Variants in GABRB1 observed in about 807,000 individuals in gnomAD.
GABRB1 encodes the protein gamma-aminobutyric acid type A receptor subunit beta1.
A neutral mutation model predicts 51.6 loss-of-function variants in GABRB1; 17 were observed. That is an observed-to-expected ratio of 0.33 (90% CI 0.23 to 0.49). GABRB1 has a LOEUF of 0.49. GABRB1 is among the 20% of genes least tolerant of loss of function. The pLI, the probability that GABRB1 is intolerant of heterozygous loss-of-function variation, is 0.99. For missense variants in GABRB1, 410 were observed against 600.6 expected, an observed-to-expected ratio of 0.68 and a Z score of 3.32; for synonymous variants, 247 against 218.9, an observed-to-expected ratio of 1.13 and a Z score of -1.14.
At chr4:47,374,480 C>G (rs976409099) in intron 5 of GABRB1, among the ~76,000 whole-genome samples, 4 of 152,140 alleles carry the variant, frequency 2.6e-5, no homozygotes, top group African/African-American at 9.7e-5. Flanking sequence ...GTTCTTGGGC[C>G]CATGATGAAC....
At chr4:47,145,377 A>G (rs1169723096) in intron 3 of GABRB1, among the ~76,000 whole-genome samples, 4 of 152,016 alleles carry the variant, frequency 2.6e-5, no homozygotes, top group Non-Finnish European at 5.9e-5. Flanking sequence ...GATCATTTAC[A>G]TTCATGTGCA....
intron 5 of GABRB1, among the ~76,000 whole-genome samples, chr4:47,370,646 C>T (rs946485325): frequency 2.0e-5 from 3 of 152,140 alleles, no homozygotes; most frequent in Admixed American, 6.5e-5. Flanking sequence ...TTGCTATGAG[C>T]ACCAAATGAT....
At chr4:47,136,166 G>GT (rs1716639985) in intron 3 of GABRB1, among the ~76,000 whole-genome samples, 1 of 151,960 alleles carries the variant, frequency 6.6e-6, no homozygotes, top group Admixed American at 6.6e-5. Flanking sequence ...AATTTTGTTT[G>GT]TTTTTTGTAG....
intron 3 of GABRB1, among the ~76,000 whole-genome samples, chr4:47,060,281 C>T (rs1168319051): frequency 6.6e-6 from 1 of 152,118 alleles, no homozygotes; most frequent in African/African-American, 2.4e-5. Flanking sequence ...GAATGACAGT[C>T]CTGTCATACC....
At chr4:47,186,254 A>G (rs1361276274) in intron 4 of GABRB1, among the ~76,000 whole-genome samples, 1 of 151,732 alleles carries the variant, frequency 6.6e-6, no homozygotes, top group Non-Finnish European at 1.5e-5. Context: ...CTCTCTTGTA[A>G]TCATTGTGCT....
At chr4:47,012,528 A>G (rs1298539366) in intron 1 of GABRB1, among the ~76,000 whole-genome samples, 1 of 152,186 alleles carries the variant, frequency 6.6e-6, no homozygotes, top group Admixed American at 6.5e-5. Context: ...GGCTTTTTAT[A>G]TTAATTTGTA....
intron 4 of GABRB1, among the ~76,000 whole-genome samples, chr4:47,220,610 CCTT>C (rs1221103469): frequency 3.9e-5 from 6 of 152,024 alleles, no homozygotes; most frequent in Middle Eastern, 3.4e-3. Flanking sequence ...CCTCCGAAAA[CCTT>C]CTTTCTATTT....
At chr4:47,211,464 C>T (rs921580262) in intron 4 of GABRB1, among the ~76,000 whole-genome samples, 1 of 152,148 alleles carries the variant, frequency 6.6e-6, no homozygotes, top group Non-Finnish European at 1.5e-5. Context: ...TGTCAGGAGA[C>T]AGATGACATA....
chr4:47,245,688 T>C (rs975796251), intron 4 of GABRB1, among the ~76,000 whole-genome samples: 22 of 152,100 alleles, frequency 1.4e-4, no homozygotes, highest in African/African-American at 4.8e-4. Context: ...AAATTGATGA[T>C]ACATTATTCC....
intron 5 of GABRB1, among the ~76,000 whole-genome samples, chr4:47,351,504 A>C (rs1726330416): frequency 6.6e-6 from 1 of 151,574 alleles, no homozygotes; most frequent in Non-Finnish European, 1.5e-5. Context: ...AGTGTGCTGC[A>C]CCCATTAACT....
intron 1 of GABRB1, among the ~76,000 whole-genome samples, chr4:46,998,608 C>G (rs1577810563): frequency 6.6e-6 from 1 of 151,844 alleles, no homozygotes; most frequent in East Asian, 1.9e-4. Context: ...GTGGCAGGAG[C>G]CTGTAGTCCC....
intron 4 of GABRB1, among the ~76,000 whole-genome samples, chr4:47,177,288 A>G (rs1718742012): frequency 6.6e-6 from 1 of 152,134 alleles, no homozygotes; most frequent in African/African-American, 2.4e-5. Flanking sequence ...ATGTAAGAAT[A>G]AAATAACTAT....
chr4:47,004,220 C>T (rs1724318051), intron 1 of GABRB1, among the ~76,000 whole-genome samples: 4 of 152,126 alleles, frequency 2.6e-5, no homozygotes, highest in Admixed American at 2.6e-4. Flanking sequence ...ATCTCCTTAC[C>T]TTGTGATCTG....
chr4:47,275,943 GATTCTTACAATT>G (rs2109899818), intron 4 of GABRB1, among the ~76,000 whole-genome samples: 1 of 152,244 alleles, frequency 6.6e-6, no homozygotes, highest in East Asian at 1.9e-4. Context: ...GATATCCTGT[GATTCTTACAATT>G]ATGTAGTTCA....
At chr4:47,003,298 G>C (rs75681569) in intron 1 of GABRB1, among the ~76,000 whole-genome samples, 1 of 152,098 alleles carries the variant, frequency 6.6e-6, no homozygotes, top group African/African-American at 2.4e-5. Context: ...TTTGTTATCT[G>C]TCTCTACAGA....
intron 4 of GABRB1, among the ~76,000 whole-genome samples, chr4:47,289,422 T>G (rs902453433): frequency 3.9e-5 from 6 of 152,026 alleles, no homozygotes; most frequent in African/African-American, 1.4e-4. Flanking sequence ...TTATTAGGGG[T>G]GGGGAAGATT....
intron 4 of GABRB1, among the ~76,000 whole-genome samples, chr4:47,220,041 T>C (rs948690781): frequency 3.9e-5 from 6 of 151,968 alleles, no homozygotes; most frequent in Admixed American, 3.9e-4. Flanking sequence ...AAACCCATTA[T>C]GTTATTTAAC....
At chr4:47,244,639 C>T (rs752209852) in intron 4 of GABRB1, among the ~76,000 whole-genome samples, 18 of 152,032 alleles carry the variant, frequency 1.2e-4, no homozygotes, top group Non-Finnish European at 1.9e-4. Flanking sequence ...GAAATTTATC[C>T]ATTTCTTCTA....
At chr4:47,171,020 G>A (rs878957842) in intron 4 of GABRB1, among the ~76,000 whole-genome samples, 10 of 152,000 alleles carry the variant, frequency 6.6e-5, no homozygotes, top group Non-Finnish European at 1.3e-4. Flanking sequence ...ATGATATTAC[G>A]ATATCTTTTT....
Sources: allele counts gnomAD v4.1 joint callset (sites outside exome capture counted in the v4.1 genomes callset), GRCh38; gene constraint gnomAD v4.1.1; transcripts MANE v1.5; gene names NCBI Gene and HGNC (gene_info 2026-07-23, HGNC 2026-07-21).